ZNF140: variants seen among roughly 807,000 people sequenced by gnomAD.
ZNF140 encodes the protein zinc finger protein 140 (clone pHZ-39).
ZNF140 carries 13 observed loss-of-function variants against 12.9 expected under a neutral mutation model. The ratio of observed to expected loss-of-function variants is 1.01; its 90% CI spans 0.66 to 1.60. ZNF140 has a LOEUF of 1.60. ZNF140 is among the 40% of genes most tolerant of loss of function. The pLI is 0.00. For synonymous variants in ZNF140, 214 were observed against 186.7 expected (o/e 1.15, Z -1.19); for missense variants, 531 against 548.8 (o/e 0.97, Z 0.32).
In ZNF140 at chr12:133,105,615, T is replaced by C. The variant is rs1258512101; in HGVS notation, c.338T>C (p.Val113Ala). Residue 113 changes from valine to alanine, a missense_variant, in exon 5 of 5, where the codon GTG (valine) becomes GCG (alanine). Physicochemically the swap from Val to Ala is moderately conservative, Grantham distance 64 (BLOSUM62 0). Coordinates refer to ENST00000355557, the MANE Select transcript of ZNF140 (RefSeq NM_003440.4). ...IMERILSQGP[V>A]YSSFKGGWKC... ...GAAAGAATTCTAAGTCAAGGCCCTG[T>C]GTATTCCAGTTTTAAAGGAGGCTGG... 4.5e-5 allele frequency: 72 copies of C among 1,614,052 alleles called. No individual in the cohort carries two copies. Among genetic ancestry groups the C allele is most frequent in the Non-Finnish European group, 5.8e-5 (69 of 1,180,032 alleles).
intron 4 of ZNF140, among the ~76,000 whole-genome samples, chr12:133,102,152 C>T (rs2137571416): frequency 6.6e-6 from 1 of 151,928 alleles, no homozygotes; most frequent in Non-Finnish European, 1.5e-5. Context: ...ATTTTTTTTC[C>T]ACCTTATGTG....
At position 133,083,134 on chromosome 12, in the gene ZNF140, A is replaced by T. The variant is rs372913008; in HGVS notation, c.41A>T (p.Asp14Val). ...GTGACATTCAGAGATGTGGCCATAGACTTCTCCCAGGAGGAGTGGAAATGG... is the reference window on the plus strand; with the variant it reads ...GTGACATTCAGAGATGTGGCCATAGTCTTCTCCCAGGAGGAGTGGAAATGG... The part of the protein sequence containing the change: ...GSVTFRDVAI[D>V]FSQEEWKWLQ... Residue 14 changes from aspartate to valine, a missense_variant, in exon 3 of 5, where the codon GAC becomes GTC. Physicochemically the swap from Asp to Val is radical, Grantham distance 152 (BLOSUM62 -3). Coordinates refer to ENST00000355557, the MANE Select transcript of ZNF140 (RefSeq NM_003440.4). 8 of 1,614,154 alleles carry T rather than the reference A, an allele frequency of 5.0e-6. No individual in the cohort carries two copies. Among genetic ancestry groups the T allele is most frequent in the Non-Finnish European group, 6.8e-6 (8 of 1,180,018 alleles).
intron 4 of ZNF140, among the ~76,000 whole-genome samples, chr12:133,091,086 C>CCAG (rs1954861691): frequency 6.7e-6 from 1 of 149,222 alleles, no homozygotes; most frequent in Non-Finnish European, 1.5e-5. Context: ...TCCTCTTTTA[C>CCAG]TCATCCATCT....
intron 4 of ZNF140, among the ~76,000 whole-genome samples, chr12:133,092,202 A>G (rs1276972133): frequency 6.6e-6 from 1 of 151,170 alleles, no homozygotes; most frequent in Non-Finnish European, 1.5e-5. Context: ...GTAAAAATGA[A>G]TCTTTTAGAT....
chr12:133,089,363 T>C (rs1954781011), intron 4 of ZNF140, among the ~76,000 whole-genome samples: 1 of 151,830 alleles, frequency 6.6e-6, no homozygotes, highest in Non-Finnish European at 1.5e-5. Context: ...ACAGGTGCGC[T>C]CCACCATGCC....
chr12:133,097,869 C>G (rs576068676), intron 4 of ZNF140, among the ~76,000 whole-genome samples: 1 of 112,466 alleles, frequency 8.9e-6, no homozygotes, highest in South Asian at 2.8e-4. Flanking sequence ...TGAAGTCTTA[C>G]TCTGTAGCCC....
chr12:133,095,064 TA>T (rs1361278789), intron 4 of ZNF140, among the ~76,000 whole-genome samples: 2 of 151,114 alleles, frequency 1.3e-5, no homozygotes, highest in African/African-American at 4.9e-5. Flanking sequence ...GAAATGGTTC[TA>T]AAGTTGCTTT....
intron 4 of ZNF140, among the ~76,000 whole-genome samples, chr12:133,091,314 T>C (rs924862634): frequency 6.6e-6 from 1 of 151,198 alleles, no homozygotes; most frequent in Non-Finnish European, 1.5e-5. Context: ...GTAAACATTT[T>C]GTTAACAAGG....
chr12:133,105,899 C>G lies in ZNF140; in HGVS notation c.622C>G (p.Gln208Glu), dbSNP rs1955573687. 1 of 1,614,054 alleles carries G rather than the reference C, an allele frequency of 6.2e-7. No homozygotes were observed. Among genetic ancestry groups the G allele is most frequent in the Non-Finnish European group, 8.5e-7 (1 of 1,180,012 alleles). Reference sequence around the variant, plus strand: ...CCAGATTTCAAACCTTGTGAAACACCAAATGATACATACTGGAAAGAAACC... The same window carrying G: ...CCAGATTTCAAACCTTGTGAAACACGAAATGATACATACTGGAAAGAAACC... The part of the protein sequence containing the change: ...FSQISNLVKH[Q>E]MIHTGKKPHE... The change falls in exon 5 of 5, where the codon CAA becomes GAA. Residue 208 changes from glutamine to glutamate, a missense_variant. Transcript: ENST00000355557.
At chr12:133,090,898 C>T (rs61954463) in intron 4 of ZNF140, among the ~76,000 whole-genome samples, 16,760 of 133,694 alleles carry the variant, frequency 0.13, 1,265 homozygotes, top group Non-Finnish European at 0.17. Flanking sequence ...AACATCTCAG[C>T]GGAGTAAAGA....
intron 4 of ZNF140, among the ~76,000 whole-genome samples, chr12:133,099,853 A>C (rs1593792978): frequency 6.6e-6 from 1 of 152,044 alleles, no homozygotes; most frequent in African/African-American, 2.4e-5. Flanking sequence ...CCTTAAAAAA[A>C]CTTTTATTTT....
At chr12:133,095,414 T>A (rs1955036141) in intron 4 of ZNF140, among the ~76,000 whole-genome samples, 1 of 150,822 alleles carries the variant, frequency 6.6e-6, no homozygotes, top group African/African-American at 2.5e-5. Flanking sequence ...CTGTCCTCAA[T>A]GCTCACGTTC....
At chr12:133,093,449 C>G in intron 4 of ZNF140, 2 of 699,894 alleles carry the variant, frequency 2.9e-6, no homozygotes, top group Non-Finnish European at 5.2e-6. Flanking sequence ...GCTTCTTTAG[C>G]TGGGCCCATG....
intron 4 of ZNF140, among the ~76,000 whole-genome samples, chr12:133,095,763 T>C (rs12369304): frequency 0.093 from 13,481 of 144,182 alleles, 201 homozygotes; most frequent in Non-Finnish European, 0.14. Context: ...TAATTAGGTT[T>C]AAGGGAAGGT....
chr12:133,106,621 T>C lies in ZNF140; in HGVS notation c.1344T>C (p.Asn448=). Reference sequence around the variant, plus strand: ...CCTATGAATATGAAAATTCATTTAATTACCACTCATTCCTTACTGAACACC... The same window carrying C: ...CCTATGAATATGAAAATTCATTTAACTACCACTCATTCCTTACTGAACACC... ...DNPYEYENSF[N]YHSFLTEHQ is the part of the protein sequence containing the mutation. The change falls in exon 5 of 5, where the codon AAT becomes AAC. Residue 448 remains asparagine (N), a synonymous_variant. Transcript: ENST00000355557. The C allele has an allele frequency of 6.2e-7, 1 of 1,602,142 alleles. No individual in the cohort carries two copies. The highest frequency in any genetic ancestry group is 8.5e-7 in the Non-Finnish European group (1 of 1,176,230).
In ZNF140 at chr12:133,106,598, T is replaced by C. The variant is rs752268911; in HGVS notation, c.1321T>C (p.Tyr441His). 3 of 1,607,572 alleles carry C rather than the reference T, an allele frequency of 1.9e-6. No homozygotes were observed. The highest frequency in any genetic ancestry group is 2.7e-5 in the African/African-American group (2 of 74,566). ...GAGGACACACACTCTTGACAACCCCTATGAATATGAAAATTCATTTAATTA... is the reference window on the plus strand; with the variant it reads ...GAGGACACACACTCTTGACAACCCCCATGAATATGAAAATTCATTTAATTA... ...HQRTHTLDNP[Y>H]EYENSFNYHS... Residue 441 changes from tyrosine to histidine, a missense_variant, in exon 5 of 5, where the codon TAT (tyrosine) becomes CAT (histidine). By Grantham distance (83) the Tyr-to-His change is moderately conservative. Transcript: ENST00000355557.
chr12:133,093,952 C>T (rs1033933731), intron 4 of ZNF140, among the ~76,000 whole-genome samples: 2 of 151,102 alleles, frequency 1.3e-5, no homozygotes, highest in South Asian at 2.1e-4. Flanking sequence ...GTCTGTTATC[C>T]CCTGTGTCCT....
chr12:133,096,935 T>G (rs1437079212), intron 4 of ZNF140, among the ~76,000 whole-genome samples: 1 of 152,244 alleles, frequency 6.6e-6, no homozygotes, highest in Admixed American at 6.5e-5. Flanking sequence ...ATCTGTCCAG[T>G]TCTGAAAGAG....
Position 133,106,176 on chromosome 12 carries a change from C to G in ZNF140, c.899C>G (p.Pro300Arg). 1 of 1,614,204 alleles carries G rather than the reference C, an allele frequency of 6.2e-7. No homozygotes were observed. Among genetic ancestry groups the G allele is most frequent in the Non-Finnish European group, 8.5e-7 (1 of 1,180,034 alleles). The change falls in exon 5 of 5, where the codon CCT becomes CGT. Residue 300 changes from proline (P) to arginine (R), a missense_variant. By Grantham distance (103) the Pro-to-Arg change is moderately radical. Transcript: ENST00000355557. ...RHQITHTGEKPYECIECGKAF... is the reference protein window; with the variant it reads ...RHQITHTGEKRYECIECGKAF... ...CAGATTACACATACTGGAGAGAAAC[C>G]TTATGAATGCATTGAATGTGGGAAG...
Sources: gnomAD v4.1 joint callset for allele counts (sites outside exome capture counted in the v4.1 genomes callset) on GRCh38, gnomAD v4.1.1 for gene constraint, MANE v1.5 for transcripts, NCBI Gene and HGNC (gene_info 2026-07-23, HGNC 2026-07-21) for gene names.